PLSCR2: variants seen among roughly 807,000 people sequenced by gnomAD.
The protein encoded by PLSCR2 is PL scramblase 2.
Under a neutral mutation model 25.3 loss-of-function variants are expected in PLSCR2, and 18 were observed. The observed-to-expected ratio is 0.71, with a 90% CI of 0.49 to 1.06. The LOEUF is 1.06. PLSCR2 is among the 50% of genes least tolerant of loss of function. PLSCR2 has a pLI of 0.00. For synonymous variants in PLSCR2, 88 were observed against 87.3 expected (o/e 1.01, Z -0.04); for missense variants, 243 against 269.5 (o/e 0.90, Z 0.69).
chr3:146,483,479 G>GTATA (rs56655616), intron 1 of PLSCR2, among the ~76,000 whole-genome samples: 12,876 of 54,128 alleles, frequency 0.24, 1,357 homozygotes, highest in Non-Finnish European at 0.26. Flanking sequence ...ATATACATGT[G>GTATA]TATATATATA....
chr3:146,416,081 G>A (rs2038998179), intron 2 of PLSCR2, among the ~76,000 whole-genome samples: 1 of 152,060 alleles, frequency 6.6e-6, no homozygotes, highest in South Asian at 2.1e-4. Context: ...CTCTTGAGTA[G>A]TTGGGACTAC....
intron 3 of PLSCR2, 54 bp downstream of exon 3, chr3:146,458,357 T>C: frequency 7.1e-7 from 1 of 1,403,996 alleles, no homozygotes; most frequent in Non-Finnish European, 9.6e-7. Context: ...TGTATCTTTA[T>C]TTGCATAAAC....
rs541822229 is a variant in PLSCR2 at position 146,413,747 on chromosome 3, A to G, written c.101-17826T>C. ...TTTCTAAGAAATCTCAGACTTCCTT[A>G]TAGCTATTCTCTTCTGGGTCCTCAC... On this transcript the variant is annotated intron_variant and NMD_transcript_variant, in intron 2 of 3. Coordinates refer to the PLSCR2 transcript ENST00000463633. 2.0e-4 allele frequency among the ~76,000 whole-genome samples: 30 copies of G among 152,308 alleles called. No homozygotes were observed. In the South Asian group the frequency reaches 5.8e-3, roughly 29 times the overall value.
At chr3:146,400,659 A>T (rs1437318368) in intron 2 of PLSCR2, among the ~76,000 whole-genome samples, 3 of 151,538 alleles carry the variant, frequency 2.0e-5, no homozygotes, top group Non-Finnish European at 4.4e-5. Flanking sequence ...GAAGGAAGTA[A>T]GAAAGCCAAA....
chr3:146,483,488 T>C (rs1217937814), intron 1 of PLSCR2, among the ~76,000 whole-genome samples: 2 of 96,630 alleles, frequency 2.1e-5, no homozygotes, highest in African/African-American at 8.7e-5. Context: ...TGTATATATA[T>C]ATATATATAT....
chr3:146,397,271 T>G (rs2038308282), intron 2 of PLSCR2, among the ~76,000 whole-genome samples: 1 of 152,158 alleles, frequency 6.6e-6, no homozygotes, highest in African/African-American at 2.4e-5. Context: ...TCAGTTCGTT[T>G]CTTAATTTTT....
exon 9 of PLSCR2, chr3:146,433,422 C>A (rs767432511): frequency 6.6e-6 from 1 of 151,976 alleles, no homozygotes. Flanking sequence ...AGATAGTGTG[C>A]GAGTTTTTCC....
intron 1 of PLSCR2, among the ~76,000 whole-genome samples, chr3:146,484,454 T>G (rs1008845636): frequency 1.3e-5 from 2 of 151,944 alleles, no homozygotes; most frequent in African/African-American, 4.8e-5. Context: ...ATTAAGATGC[T>G]TTATGAAAAG....
chr3:146,421,280 G>A (rs1277826154), intron 2 of PLSCR2, among the ~76,000 whole-genome samples: 1 of 151,850 alleles, frequency 6.6e-6, no homozygotes, highest in African/African-American at 2.4e-5. Flanking sequence ...ATCTATGTGG[G>A]TCTCTCATAT....
chr3:146,461,700 C>A, upstream of PLSCR2: 1 of 555,304 alleles, frequency 1.8e-6, no homozygotes, highest in Non-Finnish European at 3.2e-6. Flanking sequence ...AGGAATTTAG[C>A]ATGTTCGTGA....
At chr3:146,469,642 T>C (rs967496352) in intron 1 of PLSCR2, 81 bp from the exon 1 acceptor site, 35 of 838,008 alleles carry the variant, frequency 4.2e-5, no homozygotes, top group Non-Finnish European at 4.5e-5. Flanking sequence ...CCTCAGAGTC[T>C]ACACCTGCAG....
At chr3:146,392,242 GA>G (rs1002169290) in intron 3 of PLSCR2, among the ~76,000 whole-genome samples, 1 of 152,008 alleles carries the variant, frequency 6.6e-6, no homozygotes, top group African/African-American at 2.4e-5. Context: ...GCATCTGAAA[GA>G]ATATAAACAT....
Position 146,434,639 on chromosome 3 carries a change from A to C in PLSCR2, c.*35-1122T>G, listed in dbSNP as rs114183231. ...AGAGAAAATTCAATCCCTAAAAATT[A>C]AGAACAAATGGAAACAAATGATTTT... On this transcript the variant is annotated intron_variant, in intron 8 of 8. Coordinates refer to the PLSCR2 transcript ENST00000336685. 3.2e-3 allele frequency among the ~76,000 whole-genome samples: 484 copies of C among 152,266 alleles called. 4 individuals carry two copies. The highest frequency in any genetic ancestry group is 0.011 in the African/African-American group (466 of 41,576).
At chr3:146,413,527 A>T (rs2038919704) in intron 2 of PLSCR2, among the ~76,000 whole-genome samples, 2 of 152,090 alleles carry the variant, frequency 1.3e-5, no homozygotes, top group African/African-American at 4.8e-5. Context: ...ATCCTCATTC[A>T]TTATGCTTAA....
At chr3:146,417,847 A>G (rs1289409500) in intron 2 of PLSCR2, among the ~76,000 whole-genome samples, 1 of 152,240 alleles carries the variant, frequency 6.6e-6, no homozygotes, top group Non-Finnish European at 1.5e-5. Flanking sequence ...ACTCACATGT[A>G]GCACCTAAAT....
intron 2 of PLSCR2, among the ~76,000 whole-genome samples, chr3:146,396,668 C>T (rs1355186889): frequency 6.6e-6 from 1 of 151,898 alleles, no homozygotes; most frequent in African/African-American, 2.4e-5. Flanking sequence ...TGAAAAGGCC[C>T]CAAGTTAGGA....
At chr3:146,454,827 A>C (rs764933837) in intron 4 of PLSCR2, among the ~76,000 whole-genome samples, 1 of 152,190 alleles carries the variant, frequency 6.6e-6, no homozygotes, top group Non-Finnish European at 1.5e-5. Context: ...GTTGGCCAAA[A>C]TTATGAGATG....
chr3:146,438,159 T>C (rs1474929596), downstream of PLSCR2, among the ~76,000 whole-genome samples: 2 of 152,224 alleles, frequency 1.3e-5, no homozygotes, highest in South Asian at 2.1e-4. Flanking sequence ...TAATTTCTGT[T>C]CTTTTACATT....
At position 146,477,637 on chromosome 3, in the gene PLSCR2, A is replaced by G. The variant is rs901175450; in HGVS notation, c.-292-17353T>C. 7.2e-5 allele frequency among the ~76,000 whole-genome samples: 11 copies of G among 152,170 alleles called. No individual in the cohort carries two copies. In the East Asian group the frequency reaches 2.1e-3, roughly 29 times the overall value. ...TCAGCAAGGCCTACAGCCTCTATAG[A>G]TTTCACCTTTGTGGGCAGGGCATAG... On this transcript the variant is annotated intron_variant, in intron 1 of 8. Coordinates refer to the PLSCR2 transcript ENST00000336685.
Sources: allele counts gnomAD v4.1 joint callset (sites outside exome capture counted in the v4.1 genomes callset), GRCh38; gene constraint gnomAD v4.1.1; transcripts MANE v1.5; gene names NCBI Gene and HGNC (gene_info 2026-07-23, HGNC 2026-07-21).